Variants in ADAMTSL1 observed in about 807,000 individuals in gnomAD.
ADAMTSL1 encodes ADAMTS-like protein 1.
A neutral mutation model predicts 201.8 loss-of-function variants in ADAMTSL1; 126 were observed. The observed-to-expected ratio is 0.62, with a 90% CI of 0.54 to 0.72. The LOEUF (loss-of-function observed/expected upper bound fraction) is 0.72, where lower values mean the gene tolerates loss of function less well. Among genes scored for constraint, ADAMTSL1 ranks in the 30% least tolerant of loss-of-function variants. The pLI is 0.00. For synonymous variants in ADAMTSL1, 1,121 were observed against 903.4 expected, an observed-to-expected ratio of 1.24 and a Z score of -4.32; for missense variants, 2,679 against 2,277.8, an observed-to-expected ratio of 1.18 and a Z score of -3.59.
At chr9:18,267,778 AAACAAAAAC>A (rs1832185365) in intron 2 of ADAMTSL1, among the ~76,000 whole-genome samples, 1 of 150,382 alleles carries the variant, frequency 6.6e-6, no homozygotes, top group African/African-American at 2.4e-5. Context: ...AAAAAAACAA[AAACAAAAAC>A]AAAAAAACCT....
intron 2 of ADAMTSL1, among the ~76,000 whole-genome samples, chr9:18,263,187 G>A (rs575431831): frequency 6.6e-6 from 1 of 152,254 alleles, no homozygotes; most frequent in African/African-American, 2.4e-5. Flanking sequence ...ATAACCACAT[G>A]ATAGCACATT....
chr9:18,566,683 A>T (rs113224340), intron 3 of ADAMTSL1, among the ~76,000 whole-genome samples: 1 of 152,182 alleles, frequency 6.6e-6, no homozygotes, highest in Non-Finnish European at 1.5e-5. Flanking sequence ...CCCTGAAGAC[A>T]CAGGGCCTTG....
At chr9:18,144,818 T>C (rs1826558656) in intron 1 of ADAMTSL1, among the ~76,000 whole-genome samples, 1 of 152,152 alleles carries the variant, frequency 6.6e-6, no homozygotes, top group East Asian at 1.9e-4. Context: ...AGGTGAGTAC[T>C]CCTGCCAAGA....
chr9:17,998,338 A>G (rs1819468248), intron 1 of ADAMTSL1, among the ~76,000 whole-genome samples: 2 of 152,140 alleles, frequency 1.3e-5, no homozygotes, highest in Middle Eastern at 3.4e-3. Flanking sequence ...GTGTACATGT[A>G]AAAGGAGATA....
chr9:18,090,434 C>G lies in ADAMTSL1; in HGVS notation c.88-73428C>G, dbSNP rs369415315. The stretch of plus-strand genomic sequence containing the variant: ...TTCAGCCTTAAAAAGGAAATTCTGA[C>G]TCACACTGCAACATGGATGAACCTT... On this transcript the variant is annotated intron_variant, in intron 1 of 29. Coordinates refer to the ADAMTSL1 transcript ENST00000680146. Among the ~76,000 whole-genome samples, 229 of 152,276 alleles carry G rather than the reference C, an allele frequency of 1.5e-3. 8 individuals carry two copies. The South Asian group carries it at 0.047, about 31-fold the overall frequency.
chr9:17,932,571 C>G (rs772442584), intron 1 of ADAMTSL1, among the ~76,000 whole-genome samples: 5 of 152,064 alleles, frequency 3.3e-5, no homozygotes, highest in Non-Finnish European at 7.4e-5. Flanking sequence ...CCTATAGAAT[C>G]ATTAGTTTCT....
In ADAMTSL1 at chr9:18,706,975, C is replaced by T. The variant is rs991328982; in HGVS notation, c.1803C>T (p.Gly601=). 2.5e-6 allele frequency: 4 copies of T among 1,613,926 alleles called. No individual in the cohort carries two copies. The highest frequency in any genetic ancestry group is 1.3e-5 in the African/African-American group (1 of 75,030). Residue 601 remains glycine, a synonymous_variant, in exon 14 of 29, where the codon GGC becomes GGT. Transcript: ENST00000380548. Reference sequence around the variant, plus strand: ...ACGAGACAGATGGGCTCTTTGGTGGCCTGCAGGATTTCGACGAGCTGTATG... The same window carrying T: ...ACGAGACAGATGGGCTCTTTGGTGGTCTGCAGGATTTCGACGAGCTGTATG... ...NPDETDGLFG[G]LQDFDELYDW...
chr9:18,067,191 A>G (rs1271382648), intron 1 of ADAMTSL1, among the ~76,000 whole-genome samples: 1 of 152,226 alleles, frequency 6.6e-6, no homozygotes, highest in African/African-American at 2.4e-5. Context: ...TTCCAATCCC[A>G]GCTCTACTAT....
intron 4 of ADAMTSL1, among the ~76,000 whole-genome samples, chr9:18,621,555 TCCACAC>T (rs1236977616): frequency 1.2e-3 from 102 of 82,596 alleles, no homozygotes; most frequent in African/African-American, 3.9e-3. Flanking sequence ...ACCGTCCTCT[TCCACAC>T]ACACACACAC....
chr9:18,639,200 C>T (rs764833628), intron 6 of ADAMTSL1, 54 bp from the exon 7 acceptor site: 2 of 1,566,838 alleles, frequency 1.3e-6, no homozygotes, highest in African/African-American at 1.4e-5. Context: ...ATGTGCTTGC[C>T]TGTGGTTGCC....
chr9:18,158,060 C>T (rs2132071558), intron 1 of ADAMTSL1, among the ~76,000 whole-genome samples: 1 of 152,054 alleles, frequency 6.6e-6, no homozygotes, highest in South Asian at 2.1e-4. Flanking sequence ...ACCCTTTCAA[C>T]ATTGAAAGCA....
intron 2 of ADAMTSL1, among the ~76,000 whole-genome samples, chr9:18,190,593 C>G (rs1944740): frequency 0.81 from 123,734 of 152,206 alleles, 50,525 homozygotes; most frequent in African/African-American, 0.89. Flanking sequence ...ATTGATTTCT[C>G]GCACTGAGTC....
chr9:18,220,777 C>T (rs1041645307), intron 2 of ADAMTSL1, among the ~76,000 whole-genome samples: 2 of 151,550 alleles, frequency 1.3e-5, no homozygotes, highest in African/African-American at 2.4e-5. Flanking sequence ...ATTGTTACTC[C>T]TAATTTTTTT....
chr9:18,270,705 C>G (rs1832323402), intron 2 of ADAMTSL1, among the ~76,000 whole-genome samples: 1 of 152,150 alleles, frequency 6.6e-6, no homozygotes, highest in African/African-American at 2.4e-5. Context: ...AGCTAACAGA[C>G]CATCACAATT....
chr9:18,694,266 TG>T (rs1158266028), intron 13 of ADAMTSL1, among the ~76,000 whole-genome samples: 1 of 152,124 alleles, frequency 6.6e-6, no homozygotes, highest in African/African-American at 2.4e-5. Flanking sequence ...ATCCTGCCCC[TG>T]GCCCCTCCCA....
intron 2 of ADAMTSL1, among the ~76,000 whole-genome samples, chr9:18,231,302 C>A (rs1368208569): frequency 5.3e-5 from 8 of 152,124 alleles, no homozygotes; most frequent in Admixed American, 4.6e-4. Context: ...GGCTTTCACC[C>A]CTACCACACT....
At chr9:18,744,186 T>A (rs1229419021) in intron 15 of ADAMTSL1, among the ~76,000 whole-genome samples, 1 of 152,244 alleles carries the variant, frequency 6.6e-6, no homozygotes, top group Non-Finnish European at 1.5e-5. Context: ...ATGCACGTTT[T>A]CTGAACTCTT....
chr9:18,762,978 A>G (rs1820159942), intron 16 of ADAMTSL1, among the ~76,000 whole-genome samples: 1 of 152,204 alleles, frequency 6.6e-6, no homozygotes. Flanking sequence ...AGTAGAGCAG[A>G]TATCTCCCTG....
At chr9:18,111,631 C>A (rs182404110) in intron 1 of ADAMTSL1, among the ~76,000 whole-genome samples, 1 of 152,280 alleles carries the variant, frequency 6.6e-6, no homozygotes, top group East Asian at 1.9e-4. Context: ...ATTTTGGAGT[C>A]CACTTTAGAC....
Sources: gnomAD v4.1 joint callset for allele counts (sites outside exome capture counted in the v4.1 genomes callset) on GRCh38, gnomAD v4.1.1 for gene constraint, MANE v1.5 for transcripts, NCBI Gene and HGNC (gene_info 2026-07-23, HGNC 2026-07-21) for gene names.